CLVS1: variants seen among roughly 807,000 people sequenced by gnomAD.
CLVS1 encodes the protein clavesin 1, also known as clavesin-1.
Under a neutral mutation model 33.1 loss-of-function variants are expected in CLVS1, and 10 were observed. That is an observed-to-expected ratio of 0.30 (90% CI 0.19 to 0.51). CLVS1 has a LOEUF of 0.51. Ranked by LOEUF, CLVS1 falls within the 20% of genes least tolerant of loss-of-function variation. CLVS1 has a pLI of 0.97. For missense variants in CLVS1, 343 were observed against 433.4 expected, an observed-to-expected ratio of 0.79 and a Z score of 1.85; for synonymous variants, 163 against 166.1, an observed-to-expected ratio of 0.98 and a Z score of 0.14.
At chr8:61,281,863 C>A (rs1322999144) in intron 2 of CLVS1, among the ~76,000 whole-genome samples, 1 of 152,194 alleles carries the variant, frequency 6.6e-6, no homozygotes, top group Admixed American at 6.5e-5. Flanking sequence ...ATCTCAAATC[C>A]TAGGAACATG....
chr8:61,390,053 A>G (rs930383836), intron 3 of CLVS1, among the ~76,000 whole-genome samples: 7 of 152,180 alleles, frequency 4.6e-5, no homozygotes, highest in Non-Finnish European at 8.8e-5. Flanking sequence ...AATCCATAAT[A>G]TTGTCTAAAC....
intron 1 of CLVS1, among the ~76,000 whole-genome samples, chr8:61,058,998 A>G (rs138542273): frequency 0.011 from 1,711 of 152,292 alleles, 30 homozygotes; most frequent in African/African-American, 0.039. Context: ...TAGAGCTTCA[A>G]TGAACATCCA....
At chr8:61,345,249 T>TG (rs1812170046) in intron 2 of CLVS1, among the ~76,000 whole-genome samples, 1 of 152,170 alleles carries the variant, frequency 6.6e-6, no homozygotes, top group Non-Finnish European at 1.5e-5. Context: ...TGCTACTCAT[T>TG]TTCCTTTATT....
At position 61,123,273 on chromosome 8, in the gene CLVS1, AT is replaced by A. The variant is rs1343152513; in HGVS notation, c.-242-8496del. Among the ~76,000 whole-genome samples, 74 of 143,886 alleles carry A rather than the reference AT, an allele frequency of 5.1e-4. 8 individuals are homozygous for A. The highest frequency in any genetic ancestry group is 1.7e-3 in the African/African-American group (62 of 37,160). 94.4% of individuals were successfully genotyped at this position (143,886 alleles called of 152,430 possible). ...AACAAGAGTGAAACTCTGTCTCAAA[AT>A]AATAATAATAATAATAATAATAAAA... On this transcript the variant is annotated intron_variant, in intron 1 of 2. Coordinates refer to the CLVS1 transcript ENST00000522621.
In CLVS1 at chr8:61,086,235, A is replaced by G. The variant is rs1338884094; in HGVS notation, c.-243+29005A>G. Among the ~76,000 whole-genome samples, 3 of 151,688 alleles carry G rather than the reference A, an allele frequency of 2.0e-5. No homozygotes were observed. In the South Asian group the frequency reaches 6.2e-4, roughly 32 times the overall value. On this transcript the variant is annotated intron_variant, in intron 1 of 2. Transcript: ENST00000522621. Reference sequence around the variant, plus strand: ...GAGTGAGACTCTGTCTCAAAAATAAATAAATAAATAAATAAAATGCATGAC... The same window carrying G: ...GAGTGAGACTCTGTCTCAAAAATAAGTAAATAAATAAATAAAATGCATGAC...
chr8:61,216,628 T>C (rs1808094575), intron 2 of CLVS1, among the ~76,000 whole-genome samples: 1 of 152,216 alleles, frequency 6.6e-6, no homozygotes, highest in East Asian at 1.9e-4. Context: ...TTAGTAATAG[T>C]ATTTTATCCA....
chr8:61,047,026 G>A, the CLVS1 span, among the ~76,000 whole-genome samples: 1 of 152,144 alleles, frequency 6.6e-6, no homozygotes, highest in Non-Finnish European at 1.5e-5. Flanking sequence ...CCAACACTAT[G>A]TTGAATAGGA....
At chr8:61,451,810 C>CAGAGAGAG (rs545429020) in intron 3 of CLVS1, among the ~76,000 whole-genome samples, 2,895 of 137,064 alleles carry the variant, frequency 0.021, 29 homozygotes, top group East Asian at 0.045. Context: ...CACACACACA[C>CAGAGAGAG]ACAGAGAGAG....
intron 2 of CLVS1, among the ~76,000 whole-genome samples, chr8:61,220,646 T>G (rs1808188132): frequency 2.0e-5 from 3 of 151,950 alleles, no homozygotes; most frequent in Admixed American, 2.0e-4. Flanking sequence ...ATACAGGTTT[T>G]TTTTTTTATT....
chr8:61,194,682 A>G (rs1807565755), intron 2 of CLVS1, among the ~76,000 whole-genome samples: 1 of 151,914 alleles, frequency 6.6e-6, no homozygotes, highest in East Asian at 1.9e-4. Context: ...TAAGATTTCA[A>G]TAACACAACA....
chr8:61,190,024 T>C (rs1435816647), intron 2 of CLVS1, among the ~76,000 whole-genome samples: 2 of 152,186 alleles, frequency 1.3e-5, no homozygotes, highest in Admixed American at 1.3e-4. Flanking sequence ...CAAGCAGATC[T>C]AATAGACATC....
At chr8:61,081,233 G>A (rs1392817163) in intron 1 of CLVS1, among the ~76,000 whole-genome samples, 1 of 152,214 alleles carries the variant, frequency 6.6e-6, no homozygotes, top group African/African-American at 2.4e-5. Flanking sequence ...AGCTGATAGA[G>A]TGCCCTCTGA....
chr8:61,197,270 T>C (rs1807636307), intron 2 of CLVS1, among the ~76,000 whole-genome samples: 2 of 152,328 alleles, frequency 1.3e-5, no homozygotes, highest in South Asian at 4.1e-4. Flanking sequence ...GCACCATGTA[T>C]TGAAGAGACT....
chr8:61,264,399 A>G (rs1809265886), intron 2 of CLVS1, among the ~76,000 whole-genome samples: 1 of 152,182 alleles, frequency 6.6e-6, no homozygotes, highest in African/African-American at 2.4e-5. Context: ...TCAGGGTGCC[A>G]AGCAAGGAGG....
chr8:60,986,924 G>T, the CLVS1 span, among the ~76,000 whole-genome samples: 1 of 152,200 alleles, frequency 6.6e-6, no homozygotes, highest in African/African-American at 2.4e-5. Flanking sequence ...AGACTAGAAA[G>T]GCTTATGTGT....
chr8:60,985,933 T>C, the CLVS1 span, among the ~76,000 whole-genome samples: 5 of 152,186 alleles, frequency 3.3e-5, no homozygotes, highest in Non-Finnish European at 7.3e-5. Context: ...AGAAAGAGTA[T>C]TGAACTGTCG....
rs528634415 is a variant in CLVS1 at position 61,266,453 on chromosome 8, A to G, written c.-151-33224A>G. On this transcript the variant is annotated intron_variant, in intron 2 of 2. Transcript: ENST00000522621. ...AGAACTTTGGCTCACATTCTGCTTG[A>G]GCCAGCAGACAGCCCCAGAGACTAG... Among the ~76,000 whole-genome samples, 7 of 152,234 alleles carry G rather than the reference A, an allele frequency of 4.6e-5. No homozygotes were observed. In the South Asian group the frequency reaches 1.5e-3, roughly 32 times the overall value.
At chr8:61,254,368 GGGACCCAC>G (rs1809025155) in intron 2 of CLVS1, among the ~76,000 whole-genome samples, 1 of 152,224 alleles carries the variant, frequency 6.6e-6, no homozygotes, top group Non-Finnish European at 1.5e-5. Context: ...TCAGGGGTCA[GGGACCCAC>G]TTGAGGAGGC....
intron 2 of CLVS1, among the ~76,000 whole-genome samples, chr8:61,184,257 ATT>A (rs1049450059): frequency 6.6e-6 from 1 of 152,198 alleles, no homozygotes; most frequent in Non-Finnish European, 1.5e-5. Context: ...CAACCGAGGC[ATT>A]GGAAGTAGGA....
Sources: allele counts gnomAD v4.1 joint callset (sites outside exome capture counted in the v4.1 genomes callset), GRCh38; gene constraint gnomAD v4.1.1; transcripts MANE v1.5; gene names NCBI Gene and HGNC (gene_info 2026-07-23, HGNC 2026-07-21).